Variants in OSBPL9 observed in about 807,000 individuals in gnomAD.
OSBPL9 encodes oxysterol binding protein like 9, also known as oxysterol-binding protein-related protein 9.
OSBPL9 carries 40 observed loss-of-function variants against 106.6 expected under a neutral mutation model. The ratio of observed to expected loss-of-function variants is 0.38; its 90% CI spans 0.29 to 0.49. The LOEUF (loss-of-function observed/expected upper bound fraction) is 0.49. Ranked by LOEUF, OSBPL9 falls within the 20% of genes least tolerant of loss-of-function variation. The pLI is 0.97. For synonymous variants in OSBPL9, 269 were observed against 295.4 expected (o/e 0.91, Z 0.92); for missense variants, 609 against 887.2 (o/e 0.69, Z 3.98).
At chr1:51,612,124 A>G (rs762634952), upstream of OSBPL9, among the ~76,000 whole-genome samples, 1 of 152,192 alleles carries the variant, frequency 6.6e-6, no homozygotes, top group African/African-American at 2.4e-5. Flanking sequence ...TTAAAATCTT[A>G]TCTCCAAAAT....
the OSBPL9 span, among the ~76,000 whole-genome samples, chr1:51,531,948 G>A: frequency 6.6e-6 from 1 of 152,200 alleles, no homozygotes; most frequent in African/African-American, 2.4e-5. Flanking sequence ...TATGATGTCT[G>A]TCCTTGAGCC....
At chr1:51,570,635 G>A in the OSBPL9 span, among the ~76,000 whole-genome samples, 5 of 152,286 alleles carry the variant, frequency 3.3e-5, no homozygotes, top group Admixed American at 2.6e-4. Flanking sequence ...ATTATTCCAT[G>A]CTGCTGCCCA....
rs568507673 is a variant in OSBPL9, at chr1:51,746,025, G to A, written c.414+394G>A. The stretch of plus-strand genomic sequence containing the variant: ...CACCCAGGCTGGAGTGCAGTGGCAC[G>A]ATCTCAGCTCACTGCAACCTCCGCC... On this transcript the variant is annotated intron_variant, in intron 5 of 23. Coordinates refer to ENST00000428468, the MANE Select transcript of OSBPL9 (RefSeq NM_024586.6). 5.3e-5 allele frequency among the ~76,000 whole-genome samples: 8 copies of A among 152,116 alleles called. No homozygotes were observed. The East Asian group carries it at 1.5e-3, about 29-fold the overall frequency.
At position 51,728,586 on chromosome 1, in the gene OSBPL9, G is replaced by C. The variant is rs771190907; in HGVS notation, c.318+14507G>C. The stretch of plus-strand genomic sequence containing the variant: ...TACCCAGCTTTTAGAGTGGGTAGGG[G>C]GAAGGGGAGAGTGCATCTGGTGTTG... On this transcript the variant is annotated intron_variant, in intron 4 of 23. Coordinates refer to ENST00000428468, the MANE Select transcript of OSBPL9 (RefSeq NM_024586.6). Among the ~76,000 whole-genome samples the C allele has an allele frequency of 3.8e-4, 58 of 152,310 alleles. No homozygotes were observed. The Middle Eastern group carries it at 0.01, about 27-fold the overall frequency.
the OSBPL9 span, among the ~76,000 whole-genome samples, chr1:51,563,971 T>C: frequency 2.2e-5 from 3 of 133,526 alleles, no homozygotes; most frequent in Non-Finnish European, 4.6e-5. Flanking sequence ...GGTGGGAGGA[T>C]CTGAGCCCAG....
the OSBPL9 span, among the ~76,000 whole-genome samples, chr1:51,520,650 C>T: frequency 6.6e-6 from 1 of 152,224 alleles, no homozygotes; most frequent in South Asian, 2.1e-4. Context: ...ATCAGGCCTA[C>T]ACCCATTACC....
chr1:51,690,457 C>A (rs1243515414), intron 3 of OSBPL9, among the ~76,000 whole-genome samples: 2 of 152,164 alleles, frequency 1.3e-5, no homozygotes, highest in Non-Finnish European at 2.9e-5. Flanking sequence ...TGCATTTTAT[C>A]TGACAGTTTT....
chr1:51,610,485 C>T (rs1327867568), intron 2 of OSBPL9, among the ~76,000 whole-genome samples: 1 of 152,146 alleles, frequency 6.6e-6, no homozygotes, highest in Admixed American at 6.6e-5. Flanking sequence ...GTTTTGAACT[C>T]CTAACCTTAA....
chr1:51,608,686 G>A (rs566859079), intron 2 of OSBPL9, among the ~76,000 whole-genome samples: 1 of 151,342 alleles, frequency 6.6e-6, no homozygotes, highest in African/African-American at 2.4e-5. Context: ...TTGGGGGGGG[G>A]GGCTTTCCTG....
chr1:51,628,052 C>T (rs1262790511), intron 1 of OSBPL9, among the ~76,000 whole-genome samples: 1 of 149,848 alleles, frequency 6.7e-6, no homozygotes, highest in Non-Finnish European at 1.5e-5. Flanking sequence ...TGAAGGCCTA[C>T]TCTCAATTTT....
rs147507955 is a variant in OSBPL9, at chr1:51,675,360, A to T, written c.241+5848A>T. Among the ~76,000 whole-genome samples the T allele has an allele frequency of 6.7e-3, 1,012 of 151,574 alleles. 11 individuals are homozygous for T. Among genetic ancestry groups the T allele is most frequent in the African/African-American group, 0.022 (888 of 41,132 alleles). On this transcript the variant is annotated intron_variant, in intron 3 of 23. Coordinates refer to ENST00000428468, the MANE Select transcript of OSBPL9 (RefSeq NM_024586.6). ...TTCCAAGAGAAGCCAGAAATTAATT[A>T]ATTAATTAATTTATTTATTTATTTA...
chr1:51,582,406 C>T (rs1242738301), intron 1 of OSBPL9, among the ~76,000 whole-genome samples: 1 of 152,202 alleles, frequency 6.6e-6, no homozygotes, highest in Non-Finnish European at 1.5e-5. Context: ...TGGCTAACTG[C>T]AACCTCCACC....
chr1:51,539,985 C>G, the OSBPL9 span, among the ~76,000 whole-genome samples: 1 of 152,214 alleles, frequency 6.6e-6, no homozygotes, highest in Non-Finnish European at 1.5e-5. Context: ...GCTTTCACAC[C>G]GCAACCCCCA....
chr1:51,660,035 G>T (rs1188309052), intron 2 of OSBPL9, among the ~76,000 whole-genome samples: 1 of 152,072 alleles, frequency 6.6e-6, no homozygotes, highest in Admixed American at 6.6e-5. Flanking sequence ...TTTGGATTTG[G>T]GTCTTGGAGA....
chr1:51,625,048 G>A (rs1237936639), intron 1 of OSBPL9, among the ~76,000 whole-genome samples: 2 of 152,180 alleles, frequency 1.3e-5, no homozygotes, highest in Non-Finnish European at 2.9e-5. Flanking sequence ...TATACTAATA[G>A]CAAATATGTA....
chr1:51,539,560 C>T, the OSBPL9 span, among the ~76,000 whole-genome samples: 16 of 152,212 alleles, frequency 1.1e-4, no homozygotes, highest in African/African-American at 2.4e-4. Flanking sequence ...AATAATAATA[C>T]GAACTTACAT....
chr1:51,746,513 G>C (rs1668008684), intron 5 of OSBPL9, among the ~76,000 whole-genome samples, 197 bp from the exon 6 acceptor site: 1 of 152,116 alleles, frequency 6.6e-6, no homozygotes, highest in South Asian at 2.1e-4. Context: ...ATCTTGACCA[G>C]TTAAAATGAT....
chr1:51,564,051 T>TAAAAAAAAAAAA, the OSBPL9 span, among the ~76,000 whole-genome samples: 2 of 242 alleles, frequency 8.3e-3, no homozygotes, highest in African/African-American at 0.01. Context: ...CGAGATCATC[T>TAAAAAAAAAAAA]CAAAAAAAAA....
chr1:51,784,759 A>T (rs551159661), intron 20 of OSBPL9, 177 bp downstream of exon 20: 1 of 734,512 alleles, frequency 1.4e-6, no homozygotes, highest in Non-Finnish European at 2.2e-6. Flanking sequence ...GACCTAAAAC[A>T]TATATTCAGA....
Sources: allele counts gnomAD v4.1 joint callset (sites outside exome capture counted in the v4.1 genomes callset), GRCh38; gene constraint gnomAD v4.1.1; transcripts MANE v1.5; gene names NCBI Gene and HGNC (gene_info 2026-07-23, HGNC 2026-07-21).